TACR1: variants seen among roughly 807,000 people sequenced by gnomAD.
TACR1 encodes tachykinin receptor 1.
TACR1 carries 25 observed loss-of-function variants against 35.8 expected under a neutral mutation model. The ratio of observed to expected loss-of-function variants is 0.70; its 90% CI spans 0.51 to 0.98. The LOEUF is 0.98. Among genes scored for constraint, TACR1 ranks in the 50% least tolerant of loss-of-function variants. The pLI is 0.00. For synonymous variants in TACR1, 195 were observed against 206.7 expected (o/e 0.94, Z 0.48); for missense variants, 478 against 522.9 (o/e 0.91, Z 0.84).
At chr2:75,102,537 C>A (rs942537254) in intron 2 of TACR1, among the ~76,000 whole-genome samples, 2 of 151,938 alleles carry the variant, frequency 1.3e-5, no homozygotes, top group East Asian at 1.9e-4. Context: ...CTATTTAAAT[C>A]CTGTTTGGAT....
chr2:75,099,992 C>T (rs779456581), intron 2 of TACR1, among the ~76,000 whole-genome samples: 1 of 152,168 alleles, frequency 6.6e-6, no homozygotes, highest in Non-Finnish European at 1.5e-5. Context: ...TAGAATAAAG[C>T]ATAAACTCAG....
At chr2:75,067,648 C>G (rs1237482369) in intron 2 of TACR1, among the ~76,000 whole-genome samples, 2 of 152,210 alleles carry the variant, frequency 1.3e-5, no homozygotes, top group Non-Finnish European at 2.9e-5. Flanking sequence ...ACAAAGGACT[C>G]TGTTAAGGTA....
chr2:75,179,363 G>A (rs1675505502), intron 1 of TACR1, among the ~76,000 whole-genome samples: 1 of 151,832 alleles, frequency 6.6e-6, no homozygotes, highest in Non-Finnish European at 1.5e-5. Flanking sequence ...TCTTTCCTGG[G>A]GTCACCACAG....
At chr2:75,168,083 T>C (rs1675188212) in intron 1 of TACR1, among the ~76,000 whole-genome samples, 2 of 152,172 alleles carry the variant, frequency 1.3e-5, no homozygotes, top group South Asian at 4.1e-4. Flanking sequence ...AAATTCCAAT[T>C]TTAGAAGTTT....
intron 4 of TACR1, 87 bp downstream of exon 4, chr2:75,051,164 G>C (rs560555637): frequency 6.4e-7 from 1 of 1,558,316 alleles, no homozygotes; most frequent in East Asian, 2.2e-5. Flanking sequence ...TCACAGCTGG[G>C]TTTACTCATT....
At chr2:75,160,784 A>C (rs1674989046) in intron 1 of TACR1, among the ~76,000 whole-genome samples, 1 of 52,834 alleles carries the variant, frequency 1.9e-5, no homozygotes, top group African/African-American at 5.1e-5. Context: ...CCGAAAAAAA[A>C]GTTCCTTAAT....
chr2:75,196,916 G>A (rs1033673868), intron 1 of TACR1, among the ~76,000 whole-genome samples: 8 of 152,246 alleles, frequency 5.3e-5, no homozygotes, highest in South Asian at 2.1e-4. Context: ...CTGGCATCAG[G>A]TTTCACTACC....
intron 2 of TACR1, among the ~76,000 whole-genome samples, chr2:75,111,410 G>T (rs1204070206): frequency 6.6e-6 from 1 of 151,990 alleles, no homozygotes; most frequent in Non-Finnish European, 1.5e-5. Context: ...ATGTTTACAG[G>T]ATTAATCAAA....
chr2:75,123,551 G>A (rs921368556), intron 1 of TACR1, among the ~76,000 whole-genome samples: 11 of 152,066 alleles, frequency 7.2e-5, no homozygotes, highest in Admixed American at 2.0e-4. Flanking sequence ...ACTCTCTACC[G>A]TTCTTTAGTG....
At chr2:75,097,278 T>TA (rs1673442114) in intron 2 of TACR1, among the ~76,000 whole-genome samples, 1 of 152,168 alleles carries the variant, frequency 6.6e-6, no homozygotes, top group Non-Finnish European at 1.5e-5. Flanking sequence ...ACACAGTACT[T>TA]AAAAAATGTT....
intron 2 of TACR1, among the ~76,000 whole-genome samples, chr2:75,076,103 G>C (rs1287573964): frequency 6.6e-6 from 1 of 152,146 alleles, no homozygotes; most frequent in African/African-American, 2.4e-5. Context: ...ATTTTCTACT[G>C]GACTTTAAGC....
chr2:75,175,023 G>A (rs768548120), intron 1 of TACR1, among the ~76,000 whole-genome samples: 8 of 152,306 alleles, frequency 5.3e-5, no homozygotes, highest in Non-Finnish European at 8.8e-5. Context: ...CTCCTTTGAG[G>A]CTACTGAGTT....
chr2:75,098,278 G>C (rs1188185713), intron 2 of TACR1, among the ~76,000 whole-genome samples: 3 of 152,008 alleles, frequency 2.0e-5, no homozygotes, highest in South Asian at 4.1e-4. Context: ...CTGCAGTTCT[G>C]TTTCCTTTTT....
chr2:75,051,172 A>G, intron 4 of TACR1, 79 bp downstream of exon 4: 1 of 1,593,558 alleles, frequency 6.3e-7, no homozygotes, highest in Non-Finnish European at 8.6e-7. Flanking sequence ...GGGTTTACTC[A>G]TTTAGGATGG....
chr2:75,169,226 G>T (rs932314716), intron 1 of TACR1, among the ~76,000 whole-genome samples: 2 of 152,046 alleles, frequency 1.3e-5, no homozygotes, highest in South Asian at 4.1e-4. Flanking sequence ...ATGTTTGATA[G>T]ATTACAATTC....
intron 2 of TACR1, among the ~76,000 whole-genome samples, chr2:75,094,857 ATATT>A (rs1331713485): frequency 2.3e-3 from 211 of 91,130 alleles, no homozygotes; most frequent in South Asian, 0.01. Context: ...ATATATATAT[ATATT>A]TTTTTTTTTT....
At chr2:75,182,157 A>C (rs1029400547) in intron 1 of TACR1, among the ~76,000 whole-genome samples, 2 of 152,236 alleles carry the variant, frequency 1.3e-5, no homozygotes, top group Admixed American at 1.3e-4. Flanking sequence ...TGTTTCAGAC[A>C]GCAAGAAAGG....
At chr2:75,106,356 T>C (rs112683073) in intron 2 of TACR1, among the ~76,000 whole-genome samples, 1 of 150,968 alleles carries the variant, frequency 6.6e-6, no homozygotes, top group South Asian at 2.1e-4. Context: ...ATTCAGTGTG[T>C]TGTGATATCA....
At chr2:75,196,163 T>G (rs1675967814) in intron 1 of TACR1, among the ~76,000 whole-genome samples, 1 of 152,244 alleles carries the variant, frequency 6.6e-6, no homozygotes, top group African/African-American at 2.4e-5. Flanking sequence ...ACAGCTGATT[T>G]AATATTTCCT....
Sources: gnomAD v4.1 joint callset for allele counts (sites outside exome capture counted in the v4.1 genomes callset) on GRCh38, gnomAD v4.1.1 for gene constraint, MANE v1.5 for transcripts, NCBI Gene and HGNC (gene_info 2026-07-23, HGNC 2026-07-21) for gene names.